The following MIGA1 variants were observed in gnomAD, a reference collection of about 807,000 sequenced individuals.
MIGA1 encodes the protein mitoguardin 1.
Under a neutral mutation model 82.0 loss-of-function variants are expected in MIGA1, and 58 were observed. That is an observed-to-expected ratio of 0.71 (90% CI 0.57 to 0.88). The LOEUF is 0.88. Among genes scored for constraint, MIGA1 ranks in the 40% least tolerant of loss-of-function variants. The probability of loss-of-function intolerance (pLI) is 0.00; values close to 1 mark genes in which losing one functional copy is unlikely to be tolerated. For synonymous variants in MIGA1, 249 were observed against 253.6 expected (o/e 0.98, Z 0.17); for missense variants, 751 against 749.1 (o/e 1.00, Z -0.03).
chr1:77,840,141 C>T (rs966124759), intron 7 of MIGA1, among the ~76,000 whole-genome samples: 1 of 152,086 alleles, frequency 6.6e-6, no homozygotes, highest in Non-Finnish European at 1.5e-5. Flanking sequence ...TTTTTATTGT[C>T]GTATCTAAGA....
intron 1 of MIGA1, chr1:77,780,186 G>T (rs1681842870): frequency 2.0e-6 from 2 of 988,280 alleles, no homozygotes; most frequent in Non-Finnish European, 1.2e-6. Context: ...GGGAGAGCGC[G>T]CTGGAGGTAG....
In MIGA1 at chr1:77,877,174, A is replaced by G. The variant is rs2101996001; in HGVS notation, c.*2110A>G. 6.6e-6 allele frequency: 1 copy of G among 152,332 alleles called. No individual in the cohort carries two copies. The highest frequency in any genetic ancestry group is 3.4e-3 in the Middle Eastern group (1 of 294). 9.4% of individuals were successfully genotyped at this position (152,332 alleles called of 1,614,324 possible). A position where few individuals can be genotyped will look rare whatever the true frequency, so the allele number is the denominator to read the frequency against. Reference sequence around the variant, plus strand: ...TTTAAAAAGCGAATTTTTAGATTAAAGTGCCTAGTTTCTGATTAATAAATA... The same window carrying G: ...TTTAAAAAGCGAATTTTTAGATTAAGGTGCCTAGTTTCTGATTAATAAATA... On this transcript the variant is annotated 3_prime_UTR_variant, in exon 16 of 16. Transcript: ENST00000370791.
chr1:77,862,092 G>C (rs1685478160), intron 12 of MIGA1: 1 of 149,140 alleles, frequency 6.7e-6, no homozygotes, highest in African/African-American at 2.5e-5. Flanking sequence ...AGTGAGCCAA[G>C]ATCGTGCCAC....
At chr1:77,792,033 G>T (rs897609722) in intron 2 of MIGA1, among the ~76,000 whole-genome samples, 5 of 152,120 alleles carry the variant, frequency 3.3e-5, no homozygotes, top group African/African-American at 1.2e-4. Flanking sequence ...CAAAAGTCTG[G>T]CTGCTCACTG....
intron 7 of MIGA1, among the ~76,000 whole-genome samples, chr1:77,825,613 T>C (rs1031268377): frequency 4.6e-5 from 7 of 152,190 alleles, no homozygotes; most frequent in African/African-American, 1.7e-4. Context: ...GTGGAAGTTA[T>C]GCAGAGAAGA....
intron 12 of MIGA1, 133 bp from the exon 13 acceptor site, chr1:77,863,758 TCTC>T (rs1304095551): frequency 3.3e-6 from 2 of 599,596 alleles, no homozygotes; most frequent in Non-Finnish European, 5.5e-6. Flanking sequence ...CATATTTATC[TCTC>T]CTTTTATTTT....
At chr1:77,791,608 G>A (rs12029041) in intron 2 of MIGA1, among the ~76,000 whole-genome samples, 2 of 139,808 alleles carry the variant, frequency 1.4e-5, no homozygotes, top group South Asian at 4.5e-4. Context: ...CTGTCACCCA[G>A]ACTGGAGTGC....
intron 5 of MIGA1, among the ~76,000 whole-genome samples, chr1:77,810,550 A>G (rs1683284654): frequency 2.0e-5 from 3 of 148,630 alleles, no homozygotes; most frequent in African/African-American, 7.4e-5. Flanking sequence ...CCTACCCACA[A>G]CAGTATTGTT....
In MIGA1 at chr1:77,848,479, A is replaced by G. The variant is rs550996942; in HGVS notation, c.996+5072A>G. 2.8e-5 allele frequency: 29 copies of G among 1,023,440 alleles called. No individual in the cohort carries two copies. The South Asian group carries it at 4.2e-4, about 15-fold the overall frequency. The allele number at this position is 1,023,440 out of a possible 1,614,324, so 63.4% of individuals were successfully genotyped here. ...GTAAGTGTTTGATCTTCAGAAAGAA[A>G]TCTTCAGAAAGGAAAGCAGCCCAAG... On this transcript the variant is annotated intron_variant, in intron 8 of 15. Coordinates refer to ENST00000370791, the MANE Select transcript of MIGA1 (RefSeq NM_198549.4).
intron 8 of MIGA1, among the ~76,000 whole-genome samples, chr1:77,856,413 T>C (rs1331760829): frequency 6.6e-6 from 1 of 151,844 alleles, no homozygotes; most frequent in Admixed American, 6.6e-5. Flanking sequence ...TTAGGGAGGG[T>C]TCCTTCTATC....
chr1:77,818,129 T>C (rs893173479), intron 7 of MIGA1, among the ~76,000 whole-genome samples: 1 of 151,212 alleles, frequency 6.6e-6, no homozygotes, highest in African/African-American at 2.4e-5. Context: ...CTAATTTTTT[T>C]TTTTTTTTTT....
intron 3 of MIGA1, among the ~76,000 whole-genome samples, chr1:77,801,891 C>A (rs1175564941): frequency 6.6e-6 from 1 of 152,094 alleles, no homozygotes; most frequent in Non-Finnish European, 1.5e-5. Context: ...CTTTCCAGGT[C>A]AATAAATATC....
At chr1:77,845,385 T>C (rs147425013) in intron 8 of MIGA1, among the ~76,000 whole-genome samples, 3 of 152,316 alleles carry the variant, frequency 2.0e-5, no homozygotes, top group African/African-American at 7.2e-5. Flanking sequence ...TTTTTTCCAT[T>C]GTGAGGAACA....
At chr1:77,839,837 G>A (rs1684565382) in intron 7 of MIGA1, among the ~76,000 whole-genome samples, 1 of 152,140 alleles carries the variant, frequency 6.6e-6, no homozygotes, top group African/African-American at 2.4e-5. Flanking sequence ...CTGCCTCCCA[G>A]ACTCAAGTGA....
intron 10 of MIGA1, 27 bp from the exon 11 acceptor site, chr1:77,860,013 T>G (rs1409593119): frequency 6.6e-7 from 1 of 1,507,308 alleles, no homozygotes; most frequent in Non-Finnish European, 9.2e-7. Flanking sequence ...AGGTCTCTTT[T>G]TTCTTTGGGG....
intron 7 of MIGA1, among the ~76,000 whole-genome samples, chr1:77,840,058 G>A (rs1684572148): frequency 6.6e-6 from 1 of 152,186 alleles, no homozygotes; most frequent in African/African-American, 2.4e-5. Context: ...TTTTAAGAAA[G>A]AGTATTTTAA....
chr1:77,861,311 G>C lies in MIGA1; in HGVS notation c.1363G>C (p.Ala455Pro). 6.2e-7 allele frequency: 1 copy of C among 1,604,556 alleles called. No individual in the cohort carries two copies. Among genetic ancestry groups the C allele is most frequent in the Non-Finnish European group, 8.5e-7 (1 of 1,173,804 alleles). The change falls in exon 12 of 16, where the codon GCT (alanine) becomes CCT (proline). Residue 455 changes from alanine (A) to proline (P), a missense_variant. By Grantham distance (27) the Ala-to-Pro change is conservative. Coordinates refer to ENST00000370791, the MANE Select transcript of MIGA1 (RefSeq NM_198549.4). ...CTGGGGTAGTACTGAAATGGAACTTGCTGCTAGAGGGGTAAATTCAAATTT... is the reference window on the plus strand; with the variant it reads ...CTGGGGTAGTACTGAAATGGAACTTCCTGCTAGAGGGGTAAATTCAAATTT...
At chr1:77,864,472 T>TC (rs1685588327) in intron 13 of MIGA1, among the ~76,000 whole-genome samples, 1 of 151,496 alleles carries the variant, frequency 6.6e-6, no homozygotes, top group Admixed American at 6.6e-5. Flanking sequence ...GGTCAGGAGT[T>TC]CGAGACCAGC....
chr1:77,846,595 A>G (rs2101899140), intron 8 of MIGA1, among the ~76,000 whole-genome samples: 1 of 151,946 alleles, frequency 6.6e-6, no homozygotes, highest in African/African-American at 2.4e-5. Flanking sequence ...TGGCCTCCCA[A>G]AGTGCTGGGA....
Sources: allele counts gnomAD v4.1 joint callset (sites outside exome capture counted in the v4.1 genomes callset), GRCh38; gene constraint gnomAD v4.1.1; transcripts MANE v1.5; gene names NCBI Gene and HGNC (gene_info 2026-07-23, HGNC 2026-07-21).